Variants in KCNH5 observed in about 807,000 individuals in gnomAD.
The protein encoded by KCNH5 is potassium voltage-gated channel subfamily H member 5, also known as voltage-gated delayed rectifier potassium channel KCNH5.
In KCNH5, 46 loss-of-function variants were observed where a neutral mutation model predicts 96.1. That is an observed-to-expected ratio of 0.48 (90% CI 0.38 to 0.61). The LOEUF is 0.61. Among genes scored for constraint, KCNH5 ranks in the 20% least tolerant of loss-of-function variants. KCNH5 has a pLI of 0.00. For synonymous variants in KCNH5, 439 were observed against 449.8 expected, an observed-to-expected ratio of 0.98 and a Z score of 0.30; for missense variants, 907 against 1,225.8, an observed-to-expected ratio of 0.74 and a Z score of 3.88.
chr14:62,772,230 A>G (rs1410053025), intron 10 of KCNH5, among the ~76,000 whole-genome samples: 2 of 152,038 alleles, frequency 1.3e-5, no homozygotes, highest in Non-Finnish European at 2.9e-5. Flanking sequence ...TGATTAACTA[A>G]TATTTTTAGT....
chr14:62,819,257 G>A lies in KCNH5; in HGVS notation c.1570-16676C>T, dbSNP rs369031537. 1.0e-3 allele frequency among the ~76,000 whole-genome samples: 158 copies of A among 152,208 alleles called. 1 individual carries two copies. In the South Asian group the frequency reaches 0.028, roughly 27 times the overall value. On this transcript the variant is annotated intron_variant, in intron 8 of 10. Transcript: ENST00000322893. ...GCTGGGATTACAGGCATGAGCCACCGTGCCTGGCCAAGAATATTCTTTAGA... is the reference window on the plus strand; with the variant it reads ...GCTGGGATTACAGGCATGAGCCACCATGCCTGGCCAAGAATATTCTTTAGA...
At chr14:63,009,936 T>C (rs1434293932) in intron 2 of KCNH5, among the ~76,000 whole-genome samples, 1 of 152,216 alleles carries the variant, frequency 6.6e-6, no homozygotes, top group Non-Finnish European at 1.5e-5. Flanking sequence ...TATATAATAA[T>C]TTTCCATAGT....
In KCNH5 at chr14:62,703,244, T is replaced by G. The variant is rs889676781; in HGVS notation, c.*4264A>C. On this transcript the variant is annotated 3_prime_UTR_variant, in exon 11 of 11. Transcript: ENST00000322893. The stretch of plus-strand genomic sequence containing the variant: ...ACTAGCAAACTATGCCTCTCTCCAT[T>G]AACCTCTGACCAGATAAATCTCTTC... The G allele has an allele frequency of 3.3e-5, 5 of 151,890 alleles. No homozygotes were observed. The highest frequency in any genetic ancestry group is 1.2e-4 in the African/African-American group (5 of 41,440). The allele number at this position is 151,890 out of a possible 1,614,324, so 9.4% of individuals were successfully genotyped here. A position where few individuals can be genotyped will look rare whatever the true frequency, so the allele number is the denominator to read the frequency against.
At chr14:63,027,896 A>G (rs1891555044) in intron 1 of KCNH5, among the ~76,000 whole-genome samples, 1 of 152,116 alleles carries the variant, frequency 6.6e-6, no homozygotes, top group Non-Finnish European at 1.5e-5. Context: ...GTGTATATAC[A>G]TATGTGCAGA....
intron 7 of KCNH5, among the ~76,000 whole-genome samples, chr14:62,924,902 T>C (rs1442533256): frequency 6.6e-6 from 1 of 151,958 alleles, no homozygotes; most frequent in Non-Finnish European, 1.5e-5. Flanking sequence ...ATGGCGACTA[T>C]AGTCAATAAT....
chr14:63,039,666 A>G (rs932039095), intron 1 of KCNH5, among the ~76,000 whole-genome samples: 1 of 152,142 alleles, frequency 6.6e-6, no homozygotes, highest in African/African-American at 2.4e-5. Context: ...TTAGTCTAAA[A>G]TGTATTTAAA....
chr14:62,894,565 A>G (rs1165272941), intron 7 of KCNH5, among the ~76,000 whole-genome samples: 1 of 152,202 alleles, frequency 6.6e-6, no homozygotes, highest in East Asian at 1.9e-4. Flanking sequence ...ATCTTTACTT[A>G]TATCACCATA....
chr14:62,832,182 T>A (rs1887366852), intron 8 of KCNH5, among the ~76,000 whole-genome samples: 1 of 152,208 alleles, frequency 6.6e-6, no homozygotes, highest in African/African-American at 2.4e-5. Context: ...ATTAAACTTT[T>A]TAGCTATATA....
intron 10 of KCNH5, among the ~76,000 whole-genome samples, chr14:62,757,179 T>C (rs1050060622): frequency 6.6e-6 from 1 of 152,008 alleles, no homozygotes; most frequent in Non-Finnish European, 1.5e-5. Flanking sequence ...AAATGGCAAA[T>C]AGGTGTATTA....
intron 7 of KCNH5, among the ~76,000 whole-genome samples, chr14:62,893,885 G>C (rs1484010992): frequency 6.6e-6 from 1 of 152,194 alleles, no homozygotes; most frequent in East Asian, 1.9e-4. Flanking sequence ...CTTTTGTGAA[G>C]ACTGCATGCA....
intron 7 of KCNH5, among the ~76,000 whole-genome samples, chr14:62,916,648 A>T (rs1889280518): frequency 6.6e-6 from 1 of 152,222 alleles, no homozygotes; most frequent in Non-Finnish European, 1.5e-5. Flanking sequence ...GAAAACCTCC[A>T]AGCCAGAAAA....
chr14:62,775,783 T>C (rs1286304519), intron 10 of KCNH5, among the ~76,000 whole-genome samples: 1 of 152,192 alleles, frequency 6.6e-6, no homozygotes, highest in Non-Finnish European at 1.5e-5. Flanking sequence ...TTAACACACT[T>C]AAGGCCCCTG....
chr14:62,906,111 A>T (rs12881527), intron 7 of KCNH5, among the ~76,000 whole-genome samples: 85,936 of 152,122 alleles, frequency 0.56, 25,008 homozygotes, highest in East Asian at 0.71. Flanking sequence ...CTAGACCACA[A>T]TCACTGTTTA....
rs1380290601 is a variant in KCNH5, at chr14:62,759,608, G to C, written c.2019+20120C>G. ...AATTACATTTGTTTAAGTCTTTTCT[G>C]CTGACAAACTTGTCCTGATTGAATT... On this transcript the variant is annotated intron_variant, in intron 10 of 10. Transcript: ENST00000322893. Among the ~76,000 whole-genome samples, 5 of 108,736 alleles carry C rather than the reference G, an allele frequency of 4.6e-5. No homozygotes were observed. In the South Asian group the frequency reaches 2.1e-3, roughly 45 times the overall value. 71.3% of individuals were successfully genotyped at this position (108,736 alleles called of 152,430 possible). A position where few individuals can be genotyped will look rare whatever the true frequency, so the allele number is the denominator to read the frequency against.
At chr14:62,827,849 C>G (rs1410060710) in intron 8 of KCNH5, among the ~76,000 whole-genome samples, 1 of 151,992 alleles carries the variant, frequency 6.6e-6, no homozygotes, top group African/African-American at 2.4e-5. Context: ...GAAGTTAGTT[C>G]TGTTTTATTT....
intron 4 of KCNH5, among the ~76,000 whole-genome samples, chr14:62,987,671 G>GTAAGGATGCAAAT (rs1555367354): frequency 5.9e-4 from 89 of 151,982 alleles, no homozygotes; most frequent in African/African-American, 2.0e-3. Context: ...TCTACCAGCT[G>GTAAGGATGCAAAT]GACAAGGCCC....
intron 10 of KCNH5, among the ~76,000 whole-genome samples, chr14:62,759,090 C>T (rs577981240): frequency 7.9e-5 from 12 of 152,278 alleles, no homozygotes; most frequent in Admixed American, 1.3e-4. Flanking sequence ...AATACCTTTG[C>T]TCTTGATCCT....
At chr14:62,902,928 C>T (rs1888957410) in intron 7 of KCNH5, among the ~76,000 whole-genome samples, 2 of 152,008 alleles carry the variant, frequency 1.3e-5, no homozygotes, top group Non-Finnish European at 2.9e-5. Flanking sequence ...CCATGTTGGC[C>T]AGGCTGGTCT....
intron 8 of KCNH5, among the ~76,000 whole-genome samples, chr14:62,825,441 G>A (rs1887203061): frequency 6.6e-6 from 1 of 151,608 alleles, no homozygotes; most frequent in Non-Finnish European, 1.5e-5. Flanking sequence ...CTTCTTTTGA[G>A]AAATCTCTTA....
Sources: gnomAD v4.1 joint callset for allele counts (sites outside exome capture counted in the v4.1 genomes callset) on GRCh38, gnomAD v4.1.1 for gene constraint, MANE v1.5 for transcripts, NCBI Gene and HGNC (gene_info 2026-07-23, HGNC 2026-07-21) for gene names.